GORASP2: variants seen among roughly 807,000 people sequenced by gnomAD.
The protein encoded by GORASP2 is golgi reassembly stacking protein 2, also known as Golgi reassembly-stacking protein 2.
In GORASP2, 22 loss-of-function variants were observed where a neutral mutation model predicts 45.7. The ratio of observed to expected loss-of-function variants is 0.48; its 90% CI spans 0.34 to 0.69. The LOEUF (loss-of-function observed/expected upper bound fraction) is 0.69, where lower values mean the gene tolerates loss of function less well. Among genes scored for constraint, GORASP2 ranks in the 30% least tolerant of loss-of-function variants. GORASP2 has a pLI of 0.01. For missense variants in GORASP2, 491 were observed against 562.7 expected (o/e 0.87, Z 1.29); for synonymous variants, 221 against 215.6 (o/e 1.02, Z -0.22).
chr2:170,954,445 G>A (rs777029050), intron 5 of GORASP2: 1 of 523,020 alleles, frequency 1.9e-6, no homozygotes, highest in Non-Finnish European at 3.4e-6. Flanking sequence ...TCTGTGGGGT[G>A]GTCTGGGAGA....
Position 170,958,210 on chromosome 2 carries a change from A to G in GORASP2, c.823+1651A>G, listed in dbSNP as rs138024690. The stretch of plus-strand genomic sequence containing the variant: ...AATTGTATAATGAACCCCATCACCC[A>G]ACTTTATCAATTATCAATATTGGGA... On this transcript the variant is annotated intron_variant, in intron 7 of 9. Coordinates refer to ENST00000234160, the MANE Select transcript of GORASP2 (RefSeq NM_015530.5). Among the ~76,000 whole-genome samples, 46 of 152,324 alleles carry G rather than the reference A, an allele frequency of 3.0e-4. 1 individual carries two copies. The highest frequency in any genetic ancestry group is 1.4e-3 in the South Asian group (7 of 4,834).
chr2:170,931,365 A>G (rs1019494107), intron 1 of GORASP2, among the ~76,000 whole-genome samples: 1 of 152,206 alleles, frequency 6.6e-6, no homozygotes, highest in African/African-American at 2.4e-5. Context: ...TTTTAGAGGG[A>G]AAAGTGCTGT....
At chr2:170,945,909 C>CTGCTG (rs1407015522) in intron 1 of GORASP2, among the ~76,000 whole-genome samples, 1 of 152,162 alleles carries the variant, frequency 6.6e-6, no homozygotes, top group Non-Finnish European at 1.5e-5. Flanking sequence ...CTGTCATTTG[C>CTGCTG]TGCTGTTATT....
At chr2:170,932,117 C>CT in intron 1 of GORASP2, among the ~76,000 whole-genome samples, 1 of 152,278 alleles carries the variant, frequency 6.6e-6, no homozygotes, top group South Asian at 2.1e-4. Context: ...ATCCCAGCTA[C>CT]TTGGGAGGCT....
intron 1 of GORASP2, among the ~76,000 whole-genome samples, chr2:170,947,976 T>C (rs1032140231): frequency 6.6e-6 from 1 of 151,948 alleles, no homozygotes; most frequent in Non-Finnish European, 1.5e-5. Context: ...CAAAAATTAG[T>C]TGGACATGGT....
At chr2:170,960,114 C>A (rs1156355490) in intron 7 of GORASP2, among the ~76,000 whole-genome samples, 2 of 152,128 alleles carry the variant, frequency 1.3e-5, no homozygotes, top group Non-Finnish European at 2.9e-5. Flanking sequence ...AGCCACCGTG[C>A]CTGGCCCAAG....
At chr2:170,959,562 T>C (rs1490255078) in intron 7 of GORASP2, among the ~76,000 whole-genome samples, 1 of 152,150 alleles carries the variant, frequency 6.6e-6, no homozygotes, top group Non-Finnish European at 1.5e-5. Flanking sequence ...AGAAACAACT[T>C]TTTGATGGGC....
intron 9 of GORASP2, among the ~76,000 whole-genome samples, chr2:170,965,425 G>T (rs28641775): frequency 0.026 from 3,948 of 151,034 alleles, 158 homozygotes; most frequent in African/African-American, 0.08. Context: ...CTTGCAGCTG[G>T]CATGGGTGAG....
intron 9 of GORASP2, among the ~76,000 whole-genome samples, chr2:170,963,789 C>T (rs561288493): frequency 5.3e-5 from 8 of 152,162 alleles, no homozygotes; most frequent in Admixed American, 4.6e-4. Flanking sequence ...ACTACATGCA[C>T]ATACCACCAC....
In GORASP2 at chr2:170,949,609, A is replaced by G. The variant is rs769681934; in HGVS notation, c.215A>G (p.Tyr72Cys). 1 of 1,613,934 alleles carries G rather than the reference A, an allele frequency of 6.2e-7. No individual in the cohort carries two copies. Reference sequence around the variant, plus strand: ...GAAAAGCCTGTAAAGATGCTTATCTATAGCAGCAAAACATTGGAACTGCGA... The same window carrying G: ...GAAAAGCCTGTAAAGATGCTTATCTGTAGCAGCAAAACATTGGAACTGCGA... ...NVEKPVKMLI[Y>C]SSKTLELRET... Residue 72 changes from tyrosine (Y) to cysteine (C), a missense_variant, in exon 3 of 10, where the codon TAT becomes TGT. Around this residue, in one of 2 missense-constraint regions of GORASP2, gnomAD observed 194 missense variants for 270.4 expected, o/e 0.72. Coordinates refer to ENST00000234160, the MANE Select transcript of GORASP2 (RefSeq NM_015530.5).
At position 170,958,668 on chromosome 2, in the gene GORASP2, TTTTTTTAAA is replaced by T. The variant is rs1356272557; in HGVS notation, c.823+2110_823+2118del. 1.1e-4 allele frequency among the ~76,000 whole-genome samples: 8 copies of T among 73,842 alleles called. No individual in the cohort carries two copies. In the East Asian group the frequency reaches 0.011, roughly 100 times the overall value. 48.4% of individuals were successfully genotyped at this position (73,842 alleles called of 152,430 possible). ...TCCAGATGCTCTTTTTTTTTTTTTT[TTTTTTTAAA>T]AAAAAAAAAAACAGACTCTGTTGCC... On this transcript the variant is annotated intron_variant, in intron 7 of 9. Coordinates refer to ENST00000234160, the MANE Select transcript of GORASP2 (RefSeq NM_015530.5).
At chr2:170,947,951 T>C (rs561297464) in intron 1 of GORASP2, among the ~76,000 whole-genome samples, 1 of 152,144 alleles carries the variant, frequency 6.6e-6, no homozygotes, top group African/African-American at 2.4e-5. Context: ...CGAAACCCTG[T>C]CTCTACAAAA....
intron 5 of GORASP2, chr2:170,953,773 A>C (rs1407078324): frequency 1.3e-5 from 2 of 152,222 alleles, no homozygotes; most frequent in African/African-American, 4.8e-5. Flanking sequence ...GACTCAGAAA[A>C]CCTAGGGATT....
At chr2:170,934,880 G>A (rs1239379160) in intron 1 of GORASP2, among the ~76,000 whole-genome samples, 1 of 152,012 alleles carries the variant, frequency 6.6e-6, no homozygotes, top group African/African-American at 2.4e-5. Context: ...TGGGATTACA[G>A]GTTCCTGCCA....
At chr2:170,958,916 C>T (rs985549412) in intron 7 of GORASP2, among the ~76,000 whole-genome samples, 3 of 152,018 alleles carry the variant, frequency 2.0e-5, no homozygotes, top group African/African-American at 7.3e-5. Flanking sequence ...GTGACCCGCC[C>T]GCCTCTGCTG....
intron 9 of GORASP2, among the ~76,000 whole-genome samples, chr2:170,963,426 G>GCTGCTA (rs201813538): frequency 7.2e-6 from 1 of 138,958 alleles, no homozygotes; most frequent in African/African-American, 2.9e-5. Flanking sequence ...CTCAGTCCCC[G>GCTGCTA]CTGCTACTGC....
At chr2:170,932,090 G>T (rs1400787877) in intron 1 of GORASP2, among the ~76,000 whole-genome samples, 3 of 152,194 alleles carry the variant, frequency 2.0e-5, no homozygotes, top group Non-Finnish European at 2.9e-5. Flanking sequence ...AGCCGGGCAT[G>T]GTAGTGCACA....
intron 1 of GORASP2, among the ~76,000 whole-genome samples, chr2:170,930,917 A>AT (rs1444928550): frequency 2.0e-5 from 3 of 150,274 alleles, no homozygotes; most frequent in Non-Finnish European, 4.4e-5. Context: ...GATTCATGAT[A>AT]TTTTTATAAT....
At chr2:170,934,256 TTTG>T (rs1002824347) in intron 1 of GORASP2, among the ~76,000 whole-genome samples, 38 of 150,784 alleles carry the variant, frequency 2.5e-4, no homozygotes, top group African/African-American at 6.6e-4. Flanking sequence ...TGTTTTTTTT[TTTG>T]TTGTTGTTGT....
Sources: allele counts gnomAD v4.1 joint callset (sites outside exome capture counted in the v4.1 genomes callset), GRCh38; gene constraint gnomAD v4.1.1; regional missense constraint gnomAD v4.1.1; transcripts MANE v1.5; gene names NCBI Gene and HGNC (gene_info 2026-07-23, HGNC 2026-07-21).